GRIP1: variants seen among roughly 807,000 people sequenced by gnomAD.
GRIP1 encodes the protein glutamate receptor-interacting protein 1.
GRIP1 carries 45 observed loss-of-function variants against 129.9 expected under a neutral mutation model. That is an observed-to-expected ratio of 0.35 (90% CI 0.27 to 0.44). The LOEUF is 0.44. Among genes scored for constraint, GRIP1 ranks in the 20% least tolerant of loss-of-function variants. GRIP1 has a pLI of 1.00. For missense variants in GRIP1, 1,196 were observed against 1,396.8 expected (o/e 0.86, Z 2.29); for synonymous variants, 530 against 520.8 (o/e 1.02, Z -0.24).
chr12:66,723,217 T>TC (rs2036119168), intron 1 of GRIP1, among the ~76,000 whole-genome samples: 5 of 51,510 alleles, frequency 9.7e-5, no homozygotes, highest in African/African-American at 5.3e-4. Context: ...TTTCTTTCTT[T>TC]CTTTCTTTCT....
intron 1 of GRIP1, among the ~76,000 whole-genome samples, chr12:66,918,174 G>C (rs1185801130): frequency 6.6e-6 from 1 of 152,040 alleles, no homozygotes; most frequent in Non-Finnish European, 1.5e-5. Flanking sequence ...AGATCCAGGA[G>C]AACCAATGGT....
At chr12:66,821,817 A>G (rs547793504) in intron 1 of GRIP1, among the ~76,000 whole-genome samples, 1 of 152,256 alleles carries the variant, frequency 6.6e-6, no homozygotes, top group South Asian at 2.1e-4. Flanking sequence ...AGGGATGGTG[A>G]TTCTGTATAC....
At chr12:67,066,062 G>A (rs1013584353) in intron 1 of GRIP1, among the ~76,000 whole-genome samples, 2 of 152,190 alleles carry the variant, frequency 1.3e-5, no homozygotes, top group Non-Finnish European at 2.9e-5. Flanking sequence ...GTACATGGGT[G>A]AGTCTTAACA....
intron 1 of GRIP1, among the ~76,000 whole-genome samples, chr12:66,989,925 A>G (rs767737935): frequency 6.6e-6 from 1 of 152,266 alleles, no homozygotes; most frequent in Non-Finnish European, 1.5e-5. Context: ...TATAAATTCC[A>G]AGGAAAAATG....
chr12:66,553,305 A>T (rs1366772645), intron 2 of GRIP1, among the ~76,000 whole-genome samples: 1 of 151,990 alleles, frequency 6.6e-6, no homozygotes, highest in Non-Finnish European at 1.5e-5. Context: ...GAAATGCTTT[A>T]GTCCCTCCCT....
chr12:67,009,562 G>A (rs2042675594), intron 1 of GRIP1, among the ~76,000 whole-genome samples: 1 of 152,132 alleles, frequency 6.6e-6, no homozygotes, highest in South Asian at 2.1e-4. Flanking sequence ...AACACCTGCA[G>A]TCCATGCTGA....
rs991289918 is a variant in GRIP1 at position 66,889,236 on chromosome 12, G to A, written c.58+179814C>T. ...GCACCTTGGGAGGCCGAGGCAGGTGGCTTACCTGAGGTCAGGAGTTTGAGA... is the reference window on the plus strand; with the variant it reads ...GCACCTTGGGAGGCCGAGGCAGGTGACTTACCTGAGGTCAGGAGTTTGAGA... On this transcript the variant is annotated intron_variant, in intron 1 of 1. Coordinates refer to the GRIP1 transcript ENST00000643019. Among the ~76,000 whole-genome samples, 4 of 152,300 alleles carry A rather than the reference G, an allele frequency of 2.6e-5. No individual in the cohort carries two copies. The East Asian group carries it at 7.7e-4, about 29-fold the overall frequency.
At chr12:66,548,786 T>A (rs1157931089) in intron 2 of GRIP1, among the ~76,000 whole-genome samples, 1 of 152,180 alleles carries the variant, frequency 6.6e-6, no homozygotes, top group Non-Finnish European at 1.5e-5. Context: ...TTTGTGTTGC[T>A]GCGGGTGATT....
At chr12:66,544,194 A>C (rs2139244371) in intron 2 of GRIP1, among the ~76,000 whole-genome samples, 1 of 152,326 alleles carries the variant, frequency 6.6e-6, no homozygotes, top group African/African-American at 2.4e-5. Context: ...CTTGTCAATT[A>C]CCCTATCATT....
chr12:66,413,444 A>T (rs1378123213), intron 15 of GRIP1, among the ~76,000 whole-genome samples: 1 of 152,092 alleles, frequency 6.6e-6, no homozygotes, highest in African/African-American at 2.4e-5. Context: ...TGAAATTGAG[A>T]CAGTAATAAA....
rs921851073 is a variant in GRIP1, at chr12:66,437,932, G to A, written c.1688-5304C>T. ...TCCAAGTCAACCGACCTAGGTCTAC[G>A]ATTCACCCTGCTGTATGACCTTGGG... On this transcript the variant is annotated intron_variant, in intron 13 of 24. Coordinates refer to ENST00000359742, the MANE Select transcript of GRIP1 (RefSeq NM_001366722.1). Among the ~76,000 whole-genome samples the A allele has an allele frequency of 7.2e-5, 11 of 152,218 alleles. No individual in the cohort carries two copies. In the South Asian group the frequency reaches 1.7e-3, roughly 23 times the overall value.
chr12:66,562,767 A>C (rs953105677), intron 2 of GRIP1, among the ~76,000 whole-genome samples: 1 of 152,222 alleles, frequency 6.6e-6, no homozygotes, highest in Non-Finnish European at 1.5e-5. Flanking sequence ...TTGAAAATCC[A>C]CATGTAACTT....
At chr12:66,691,953 C>T (rs1232413531) in intron 1 of GRIP1, among the ~76,000 whole-genome samples, 1 of 152,056 alleles carries the variant, frequency 6.6e-6, no homozygotes, top group Non-Finnish European at 1.5e-5. Context: ...AAAGTAACAG[C>T]CAAATTTATC....
intron 1 of GRIP1, among the ~76,000 whole-genome samples, chr12:66,952,338 T>G (rs1330667159): frequency 2.0e-5 from 3 of 152,174 alleles, no homozygotes; most frequent in African/African-American, 7.2e-5. Context: ...ATTCTTTGGA[T>G]CTTATATTTT....
chr12:66,793,328 C>T (rs1412018286), intron 1 of GRIP1, among the ~76,000 whole-genome samples: 1 of 152,134 alleles, frequency 6.6e-6, no homozygotes, highest in Non-Finnish European at 1.5e-5. Flanking sequence ...GGATTATACA[C>T]AAAGCTGAGT....
At chr12:66,947,058 C>A (rs1370122268) in intron 1 of GRIP1, among the ~76,000 whole-genome samples, 1 of 151,090 alleles carries the variant, frequency 6.6e-6, no homozygotes, top group Non-Finnish European at 1.5e-5. Flanking sequence ...AAAAAAAAAA[C>A]CTGCTTAGCA....
chr12:66,951,860 A>T (rs1378314229), intron 1 of GRIP1, among the ~76,000 whole-genome samples: 1 of 147,436 alleles, frequency 6.8e-6, no homozygotes. Flanking sequence ...CTAGGTTTCT[A>T]GATTACAGAC....
At chr12:66,452,944 A>G (rs1436917148) in intron 11 of GRIP1, among the ~76,000 whole-genome samples, 1 of 152,208 alleles carries the variant, frequency 6.6e-6, no homozygotes, top group Non-Finnish European at 1.5e-5. Flanking sequence ...TTTGGAATTT[A>G]TGGTTTGAAT....
At chr12:66,543,321 A>C (rs1374913662) in intron 2 of GRIP1, among the ~76,000 whole-genome samples, 3 of 151,988 alleles carry the variant, frequency 2.0e-5, no homozygotes, top group African/African-American at 7.2e-5. Flanking sequence ...CACTGTATAC[A>C]TAAGTCATTA....
Sources: gnomAD v4.1 joint callset for allele counts (sites outside exome capture counted in the v4.1 genomes callset) on GRCh38, gnomAD v4.1.1 for gene constraint, MANE v1.5 for transcripts, NCBI Gene and HGNC (gene_info 2026-07-23, HGNC 2026-07-21) for gene names.